PDE6A: variants seen among roughly 807,000 people sequenced by gnomAD.
PDE6A encodes rod cGMP-specific 3',5'-cyclic phosphodiesterase subunit alpha.
PDE6A carries 84 observed loss-of-function variants against 106.3 expected under a neutral mutation model. That is an observed-to-expected ratio of 0.79 (90% CI 0.66 to 0.95). PDE6A has a LOEUF of 0.95. PDE6A is among the 40% of genes least tolerant of loss of function. PDE6A has a pLI of 0.00. For synonymous variants in PDE6A, 394 were observed against 386.6 expected, an observed-to-expected ratio of 1.02 and a Z score of -0.23; for missense variants, 1,052 against 1,084.9, an observed-to-expected ratio of 0.97 and a Z score of 0.43.
chr5:149,894,417 C>T lies in PDE6A; in HGVS notation c.1728+766G>A, dbSNP rs114178599. ...GCTAACAGGTGGTTTGGAGGCATCT[C>T]GAATGGTGAATGGCAAACTTTTCTA... On this transcript the variant is annotated intron_variant, in intron 13 of 21. Transcript: ENST00000255266. Among the ~76,000 whole-genome samples the T allele has an allele frequency of 2.6e-3, 392 of 152,068 alleles. 2 individuals are homozygous for T. The highest frequency in any genetic ancestry group is 8.7e-3 in the African/African-American group (361 of 41,498).
At chr5:149,920,887 CAGAG>C (rs147822187) in intron 5 of PDE6A, among the ~76,000 whole-genome samples, 82 of 126,384 alleles carry the variant, frequency 6.5e-4, no homozygotes, top group African/African-American at 2.1e-3. Flanking sequence ...AAGAGAGAGA[CAGAG>C]AGAGAGAGAG....
At chr5:149,944,127 C>T in intron 1 of PDE6A, 73 bp downstream of exon 1, 1 of 1,194,628 alleles carries the variant, frequency 8.4e-7, no homozygotes, top group Non-Finnish European at 1.2e-6. Context: ...GGCCAATGCC[C>T]CTCACCCCAC....
At chr5:149,938,736 T>C (rs1169658345) in intron 1 of PDE6A, among the ~76,000 whole-genome samples, 1 of 152,188 alleles carries the variant, frequency 6.6e-6, no homozygotes, top group African/African-American at 2.4e-5. Context: ...TATCATTCTT[T>C]GTTTATCTAA....
chr5:149,915,733 C>T (rs965877624), intron 5 of PDE6A, among the ~76,000 whole-genome samples: 1 of 152,108 alleles, frequency 6.6e-6, no homozygotes, highest in Non-Finnish European at 1.5e-5. Context: ...AGTTGAGAAG[C>T]CAGGGGGCAA....
chr5:149,943,390 A>G (rs10043172), intron 1 of PDE6A, among the ~76,000 whole-genome samples: 33,760 of 152,166 alleles, frequency 0.22, 4,356 homozygotes, highest in African/African-American at 0.34. Flanking sequence ...AGTACAGAAC[A>G]AAATGGAGTT....
At chr5:149,922,172 G>A (rs775900501) in intron 4 of PDE6A, among the ~76,000 whole-genome samples, 11 of 152,038 alleles carry the variant, frequency 7.2e-5, no homozygotes, top group East Asian at 1.9e-4. Flanking sequence ...TGTTACAGAC[G>A]TGTGTGTGCT....
At chr5:149,883,188 T>C (rs1376027465) in intron 17 of PDE6A, among the ~76,000 whole-genome samples, 1 of 152,232 alleles carries the variant, frequency 6.6e-6, no homozygotes, top group Admixed American at 6.5e-5. Context: ...TCAAATAACA[T>C]ATTTTTTTAT....
At chr5:149,933,757 TA>T (rs1227641176) in intron 3 of PDE6A, among the ~76,000 whole-genome samples, 172 bp downstream of exon 3, 1 of 152,342 alleles carries the variant, frequency 6.6e-6, no homozygotes, top group Admixed American at 6.5e-5. Context: ...CTTGTGCATA[TA>T]ACCACTGTGG....
In PDE6A at chr5:149,863,129, C is replaced by T. The variant is rs779197931; in HGVS notation, c.2496G>A (p.Ser832=). 1.4e-5 allele frequency: 23 copies of T among 1,614,150 alleles called. No individual in the cohort carries two copies. Among genetic ancestry groups the T allele is most frequent in the Middle Eastern group, 1.6e-4 (1 of 6,062 alleles). ...VQEEKKQKQQ[S]AKSAAAGNQP... ...CCCCCTTCCACAAACCTGACTTGGC[C>T]GACTGCTGTTTCTGCTTCTTCTCCT... Residue 832 remains serine (S), a synonymous_variant, in exon 21 of 22, where the codon TCG becomes TCA. Transcript: ENST00000255266. This position sits in a 1 kb window ranked among gnomAD's most constrained non-coding sequence, Gnocchi z 4.7.
chr5:149,896,422 C>T lies in PDE6A; in HGVS notation c.1554G>A (p.Leu518=). The change falls in exon 12 of 22, where the codon CTG becomes CTA. Residue 518 remains leucine, a synonymous_variant. Transcript: ENST00000255266. ...AATACATCTGTATTCCACATTTTAC[C>T]AGCTCCAGTTCTGTTAGGGGTAAGT... ...FSDLPLTELE[L]VKCGIQMYYE... 1 of 1,614,028 alleles carries T rather than the reference C, an allele frequency of 6.2e-7. No homozygotes were observed. The highest frequency in any genetic ancestry group is 8.5e-7 in the Non-Finnish European group (1 of 1,179,976).
chr5:149,906,795 G>A (rs146070573), intron 7 of PDE6A, among the ~76,000 whole-genome samples: 6,529 of 151,310 alleles, frequency 0.043, 166 homozygotes, highest in African/African-American at 0.058. Flanking sequence ...TTTTTGAGAT[G>A]GAGTCTCACT....
At chr5:149,923,838 C>A (rs931584212) in intron 4 of PDE6A, among the ~76,000 whole-genome samples, 1 of 152,136 alleles carries the variant, frequency 6.6e-6, no homozygotes. Flanking sequence ...AGGGACAAAC[C>A]GTGATCTATT....
intron 5 of PDE6A, among the ~76,000 whole-genome samples, chr5:149,915,491 C>T (rs1191257391): frequency 3.3e-5 from 5 of 152,138 alleles, no homozygotes; most frequent in Admixed American, 6.5e-5. Flanking sequence ...CAAGCCTGGC[C>T]ATAAACTCCC....
rs573718233 is a variant in PDE6A at position 149,858,295 on chromosome 5, A to T, written c.*2600T>A. 1 of 152,314 alleles carries T rather than the reference A, an allele frequency of 6.6e-6. No homozygotes were observed. Among genetic ancestry groups the T allele is most frequent in the African/African-American group, 2.4e-5 (1 of 41,576 alleles). The allele number at this position is 152,314 out of a possible 1,614,324, so 9.4% of individuals were successfully genotyped here. ...GGGGGGGAACGATAGAGAAGGAAAA[A>T]AAATCAAGATTTGGACAAGTGTAAC... On this transcript the variant is annotated 3_prime_UTR_variant, in exon 22 of 22. Coordinates refer to ENST00000255266, the MANE Select transcript of PDE6A (RefSeq NM_000440.3).
At chr5:149,871,340 G>A (rs1269029031) in intron 17 of PDE6A, among the ~76,000 whole-genome samples, 1 of 152,144 alleles carries the variant, frequency 6.6e-6, no homozygotes, top group Non-Finnish European at 1.5e-5. Flanking sequence ...CACACATGCA[G>A]GTTAACATGT....
rs1261505687 is a variant in PDE6A at position 149,867,724 on chromosome 5, C to T, written c.2274+1G>A. ...CAGGCTGACATCCCCTGTCTACTCA[C>T]AATGGGATTCTGTTGCAGCACCGTG... On this transcript the variant is annotated splice_donor_variant, in intron 19 of 21. Coordinates refer to ENST00000255266, the MANE Select transcript of PDE6A (RefSeq NM_000440.3). LOFTEE classifies it high-confidence loss of function. 1 of 1,613,700 alleles carries T rather than the reference C, an allele frequency of 6.2e-7. No homozygotes were observed.
At chr5:149,907,170 T>C in intron 7 of PDE6A, 142 bp downstream of exon 7, 1 of 768,612 alleles carries the variant, frequency 1.3e-6, no homozygotes, top group Non-Finnish European at 2.4e-6. Flanking sequence ...AGTTGCCAAC[T>C]GAATTGAGAG....
At chr5:149,884,224 A>T (rs1430927042) in intron 16 of PDE6A, among the ~76,000 whole-genome samples, 1 of 147,850 alleles carries the variant, frequency 6.8e-6, no homozygotes, top group East Asian at 2.0e-4. Context: ...ATACACACAC[A>T]CATATATATG....
chr5:149,944,090 C>G, intron 1 of PDE6A, 110 bp downstream of exon 1: 1 of 781,682 alleles, frequency 1.3e-6, no homozygotes, highest in South Asian at 1.4e-5. Flanking sequence ...AGAAGAAGCA[C>G]CATGTTGTCA....
Sources: gnomAD v4.1 joint callset for allele counts (sites outside exome capture counted in the v4.1 genomes callset) on GRCh38, gnomAD v4.1.1 for gene constraint, Gnocchi (gnomAD v3.1) non-coding constraint, MANE v1.5 for transcripts, NCBI Gene and HGNC (gene_info 2026-07-23, HGNC 2026-07-21) for gene names.